STX18: variants seen among roughly 807,000 people sequenced by gnomAD.
STX18 encodes the protein syntaxin 18, also known as syntaxin-18.
A neutral mutation model predicts 50.1 loss-of-function variants in STX18; 40 were observed. The ratio of observed to expected loss-of-function variants is 0.80; its 90% CI spans 0.62 to 1.04. The LOEUF (loss-of-function observed/expected upper bound fraction) is 1.04. STX18 is among the 50% of genes least tolerant of loss of function. The pLI is 0.00. For synonymous variants in STX18, 158 were observed against 151.8 expected (o/e 1.04, Z -0.30); for missense variants, 410 against 415.8 (o/e 0.99, Z 0.12).
intron 1 of STX18, among the ~76,000 whole-genome samples, chr4:4,495,495 C>T (rs541021753): frequency 6.6e-6 from 1 of 151,928 alleles, no homozygotes; most frequent in Non-Finnish European, 1.5e-5. Context: ...CTCAAGCAAC[C>T]CATCTGCCTC....
chr4:4,498,197 G>A (rs907181195), intron 1 of STX18, among the ~76,000 whole-genome samples: 1 of 152,120 alleles, frequency 6.6e-6, no homozygotes, highest in Non-Finnish European at 1.5e-5. Context: ...ATGTATGTAT[G>A]TCTTCCCTAA....
At chr4:4,422,685 G>T (rs1229601225) in intron 9 of STX18, among the ~76,000 whole-genome samples, 1 of 152,208 alleles carries the variant, frequency 6.6e-6, no homozygotes, top group Admixed American at 6.5e-5. Context: ...GAGCCGCTGG[G>T]AGGTTTGAAG....
At chr4:4,433,497 G>A (rs1210334589) in intron 7 of STX18, among the ~76,000 whole-genome samples, 2 of 131,852 alleles carry the variant, frequency 1.5e-5, no homozygotes, top group African/African-American at 6.1e-5. Flanking sequence ...ACCCCTCTGC[G>A]AGAAACACCC....
In STX18 at chr4:4,458,375, G is replaced by T. The variant is rs570963970; in HGVS notation, c.353-875C>A. ...GGGCTGCTTAACCCAAGATTTGTGT[G>T]GGGGACTCAGGAGCTCTGTGAAATT... is the stretch of plus-strand genomic sequence containing the variant. On this transcript the variant is annotated intron_variant, in intron 3 of 10. Coordinates refer to ENST00000306200, the MANE Select transcript of STX18 (RefSeq NM_016930.4). 3.3e-5 allele frequency among the ~76,000 whole-genome samples: 5 copies of T among 152,254 alleles called. No homozygotes were observed. In the South Asian group the frequency reaches 1.0e-3, roughly 32 times the overall value.
At position 4,419,891 on chromosome 4, in the gene STX18, C is replaced by T. The variant is rs540318456; in HGVS notation, c.*143G>A. Reference sequence around the variant, plus strand: ...CTGGGGTATCCCTTTTTGGGGAATACGTCTGTCTGTCTGAACTCCTTTCCC... The same window carrying T: ...CTGGGGTATCCCTTTTTGGGGAATATGTCTGTCTGTCTGAACTCCTTTCCC... On this transcript the variant is annotated 3_prime_UTR_variant, in exon 11 of 11. Transcript: ENST00000306200. 16 of 695,510 alleles carry T rather than the reference C, an allele frequency of 2.3e-5. No individual in the cohort carries two copies. In the Middle Eastern group the frequency reaches 1.2e-3, roughly 53 times the overall value. 43.1% of individuals were successfully genotyped at this position (695,510 alleles called of 1,614,324 possible).
At chr4:4,453,575 A>G (rs971371714) in intron 5 of STX18, 5 of 627,104 alleles carry the variant, frequency 8.0e-6, no homozygotes, top group African/African-American at 2.0e-5. Context: ...TGTCTTTGTG[A>G]CTTGCTTTAT....
At chr4:4,472,225 A>C (rs184858603) in intron 1 of STX18, among the ~76,000 whole-genome samples, 31 of 152,308 alleles carry the variant, frequency 2.0e-4, no homozygotes, top group Admixed American at 5.2e-4. Context: ...TGGATGAAGA[A>C]AAAGAACTCA....
chr4:4,538,254 T>A (rs969700606), intron 1 of STX18, among the ~76,000 whole-genome samples: 1 of 152,156 alleles, frequency 6.6e-6, no homozygotes, highest in Non-Finnish European at 1.5e-5. Flanking sequence ...GATTCTGAGC[T>A]ATAGGGATCC....
chr4:4,511,988 C>G (rs1056566674), intron 1 of STX18, among the ~76,000 whole-genome samples: 1 of 151,990 alleles, frequency 6.6e-6, no homozygotes, highest in African/African-American at 2.4e-5. Flanking sequence ...TGTTTAGCAG[C>G]ATTCCTGGCC....
chr4:4,457,127 C>G (rs1727122041), intron 5 of STX18, 64 bp downstream of exon 5: 2 of 1,458,368 alleles, frequency 1.4e-6, no homozygotes, highest in Non-Finnish European at 9.6e-7. Context: ...GCTCTACAAA[C>G]TTTAACTGCT....
chr4:4,442,396 G>T, intron 5 of STX18, among the ~76,000 whole-genome samples: 1 of 152,198 alleles, frequency 6.6e-6, no homozygotes, highest in East Asian at 1.9e-4. Context: ...GGCCGAGGAG[G>T]GCGAATCACT....
chr4:4,542,027 C>A lies in STX18; in HGVS notation c.-63G>T. Reference sequence around the variant, plus strand: ...ACGTAAGCAGCCGGCGACCGCGGCGCGAACCCGGCCGCTGAAGGACTGGTC... The same window carrying A: ...ACGTAAGCAGCCGGCGACCGCGGCGAGAACCCGGCCGCTGAAGGACTGGTC... On this transcript the variant is annotated 5_prime_UTR_variant, in exon 1 of 11. Coordinates refer to ENST00000306200, the MANE Select transcript of STX18 (RefSeq NM_016930.4). The A allele has an allele frequency of 6.8e-7, 1 of 1,470,904 alleles. No individual in the cohort carries two copies. The highest frequency in any genetic ancestry group is 9.0e-7 in the Non-Finnish European group (1 of 1,107,606). The allele number at this position is 1,470,904 out of a possible 1,614,324, so 91.1% of individuals were successfully genotyped here. A position where few individuals can be genotyped will look rare whatever the true frequency, so the allele number is the denominator to read the frequency against.
chr4:4,527,245 A>G (rs1439171192), intron 1 of STX18, among the ~76,000 whole-genome samples: 1 of 152,230 alleles, frequency 6.6e-6, no homozygotes, highest in Non-Finnish European at 1.5e-5. Flanking sequence ...AGATGACATC[A>G]AACTACATAT....
In STX18 at chr4:4,461,939, C is replaced by G. The variant is rs756409374; in HGVS notation, c.237-2452G>C. 4 of 456,214 alleles carry G rather than the reference C, an allele frequency of 8.8e-6. No homozygotes were observed. In the East Asian group the frequency reaches 2.8e-4, roughly 32 times the overall value. 28.3% of individuals were successfully genotyped at this position (456,214 alleles called of 1,614,324 possible). A position where few individuals can be genotyped will look rare whatever the true frequency, so the allele number is the denominator to read the frequency against. ...AGCAGAGGTTCCGCTCTGTTCCTCT[C>G]TCTCCTATGTTGCAAAGGGGCCTGT... On this transcript the variant is annotated intron_variant, in intron 2 of 10. Transcript: ENST00000306200.
At chr4:4,477,982 C>T (rs1186932452) in intron 1 of STX18, 1 of 152,182 alleles carries the variant, frequency 6.6e-6, no homozygotes, top group African/African-American at 2.4e-5. Context: ...TTAGACATTA[C>T]CTCCTCCTGC....
chr4:4,437,882 C>T (rs949554678), intron 6 of STX18, among the ~76,000 whole-genome samples: 1 of 152,258 alleles, frequency 6.6e-6, no homozygotes, highest in Non-Finnish European at 1.5e-5. Context: ...TGTATTTCTT[C>T]TGCATCTCCT....
At chr4:4,463,092 A>G (rs975743050) in intron 2 of STX18, among the ~76,000 whole-genome samples, 4 of 152,204 alleles carry the variant, frequency 2.6e-5, no homozygotes, top group African/African-American at 9.7e-5. Context: ...TTTGAATCAT[A>G]CTGTCTGCTT....
At chr4:4,437,630 A>G (rs1050270649) in intron 6 of STX18, 2 of 985,356 alleles carry the variant, frequency 2.0e-6, no homozygotes, top group Non-Finnish European at 2.4e-6. Flanking sequence ...GGAAGACAAG[A>G]GTTAATAAGA....
intron 1 of STX18, among the ~76,000 whole-genome samples, chr4:4,503,882 G>A (rs1729574139): frequency 6.6e-6 from 1 of 152,080 alleles, no homozygotes; most frequent in Non-Finnish European, 1.5e-5. Context: ...ACTTTAAAAT[G>A]TCAAGTTTTA....
Sources: allele counts gnomAD v4.1 joint callset (sites outside exome capture counted in the v4.1 genomes callset), GRCh38; gene constraint gnomAD v4.1.1; transcripts MANE v1.5; gene names NCBI Gene and HGNC (gene_info 2026-07-23, HGNC 2026-07-21).